Variants in BICC1 observed in about 807,000 individuals in gnomAD.
The protein encoded by BICC1 is BicC family RNA binding protein 1.
In BICC1, 43 loss-of-function variants were observed where a neutral mutation model predicts 111.0. The ratio of observed to expected loss-of-function variants is 0.39; its 90% CI spans 0.30 to 0.50. The LOEUF is 0.50. Ranked by LOEUF, BICC1 falls within the 20% of genes least tolerant of loss-of-function variation. BICC1 has a pLI of 0.88. For missense variants in BICC1, 1,091 were observed against 1,203.2 expected (o/e 0.91, Z 1.38); for synonymous variants, 467 against 434.4 (o/e 1.07, Z -0.93).
chr10:58,543,155 T>G (rs531660717), intron 1 of BICC1, among the ~76,000 whole-genome samples: 4 of 152,028 alleles, frequency 2.6e-5, no homozygotes, highest in Admixed American at 2.0e-4. Flanking sequence ...AAAAATGTGA[T>G]ATAGACATAC....
chr10:58,704,699 A>T (rs1470371323), intron 3 of BICC1, among the ~76,000 whole-genome samples: 1 of 152,118 alleles, frequency 6.6e-6, no homozygotes, highest in East Asian at 1.9e-4. Context: ...GTATTTAGGG[A>T]CTCATGCCGT....
chr10:58,566,334 A>G (rs1843762897), intron 1 of BICC1, among the ~76,000 whole-genome samples: 1 of 152,154 alleles, frequency 6.6e-6, no homozygotes, highest in Non-Finnish European at 1.5e-5. Flanking sequence ...ATTCAATTAT[A>G]TATATACATA....
intron 2 of BICC1, among the ~76,000 whole-genome samples, chr10:58,685,334 G>A (rs1366622808): frequency 6.6e-6 from 1 of 152,204 alleles, no homozygotes; most frequent in Non-Finnish European, 1.5e-5. Flanking sequence ...TGAGAAGAAT[G>A]TATATTCTGT....
intron 8 of BICC1, among the ~76,000 whole-genome samples, chr10:58,793,177 T>G (rs1316035598): frequency 1.3e-5 from 2 of 152,176 alleles, no homozygotes; most frequent in African/African-American, 4.8e-5. Context: ...GTTTCTAGCA[T>G]AACTTAACAA....
chr10:58,720,550 A>T (rs9787517), intron 3 of BICC1, among the ~76,000 whole-genome samples: 45,300 of 141,580 alleles, frequency 0.32, 7,705 homozygotes, highest in African/African-American at 0.5. Flanking sequence ...GTGGATCTCA[A>T]AGGGCTGGGG....
chr10:58,683,169 C>G (rs999868151), intron 2 of BICC1, among the ~76,000 whole-genome samples: 171 of 152,194 alleles, frequency 1.1e-3, no homozygotes, highest in Non-Finnish European at 1.9e-3. Context: ...TATTTGTCAG[C>G]TTTGTCAAAG....
intron 1 of BICC1, among the ~76,000 whole-genome samples, chr10:58,587,305 G>C (rs1230280242): frequency 6.6e-6 from 1 of 151,928 alleles, no homozygotes; most frequent in Non-Finnish European, 1.5e-5. Flanking sequence ...ATAGTTTCTT[G>C]TCCTATTAAG....
intron 3 of BICC1, among the ~76,000 whole-genome samples, chr10:58,746,582 A>T (rs1391947246): frequency 6.6e-6 from 1 of 152,168 alleles, no homozygotes. Flanking sequence ...AGAAACACTA[A>T]GGCTGCTCAT....
chr10:58,649,391 A>G (rs1329267206), intron 2 of BICC1, among the ~76,000 whole-genome samples: 8 of 152,194 alleles, frequency 5.3e-5, no homozygotes, highest in African/African-American at 9.7e-5. Context: ...TCTCTCTCTG[A>G]TAACCCACCC....
chr10:58,541,711 A>G (rs757359551), intron 1 of BICC1, among the ~76,000 whole-genome samples: 4 of 152,110 alleles, frequency 2.6e-5, no homozygotes, highest in African/African-American at 9.7e-5. Flanking sequence ...AAAATTCTAA[A>G]ATTCATATGG....
intron 1 of BICC1, among the ~76,000 whole-genome samples, chr10:58,541,212 G>T (rs975407368): frequency 4.6e-5 from 7 of 151,696 alleles, no homozygotes; most frequent in African/African-American, 1.7e-4. Context: ...AGACCAAGCA[G>T]GCAAGAAAAA....
At chr10:58,796,086 A>G (rs541902698) in intron 9 of BICC1, among the ~76,000 whole-genome samples, 5 of 152,324 alleles carry the variant, frequency 3.3e-5, no homozygotes, top group Non-Finnish European at 5.9e-5. Context: ...ATAGGAACAT[A>G]TATGCAGCTA....
intron 2 of BICC1, among the ~76,000 whole-genome samples, 161 bp from the exon 3 acceptor site, chr10:58,701,913 C>T (rs995740976): frequency 2.6e-5 from 4 of 151,772 alleles, no homozygotes; most frequent in Non-Finnish European, 4.4e-5. Context: ...CATCTCTTTT[C>T]CCCCCAGGGT....
chr10:58,678,538 C>G (rs1839417737), intron 2 of BICC1, among the ~76,000 whole-genome samples: 1 of 152,256 alleles, frequency 6.6e-6, no homozygotes, highest in South Asian at 2.1e-4. Flanking sequence ...ATTCATAAAG[C>G]AAGTTCTTCA....
chr10:58,827,335 C>T (rs1311556017), intron 20 of BICC1, among the ~76,000 whole-genome samples: 1 of 152,104 alleles, frequency 6.6e-6, no homozygotes, highest in African/African-American at 2.4e-5. Context: ...AGGCCTGAAA[C>T]AATGAATTCC....
rs57238789 is a variant in BICC1, at chr10:58,572,070, C to G, written c.191-48785C>G. Among the ~76,000 whole-genome samples the G allele has an allele frequency of 2.3e-3, 357 of 152,198 alleles. 2 individuals are homozygous for G. Among genetic ancestry groups the G allele is most frequent in the African/African-American group, 8.1e-3 (336 of 41,542 alleles). On this transcript the variant is annotated intron_variant, in intron 1 of 20. Transcript: ENST00000373886. ...GATATCTCATCGTAGTTTTGATTTG[C>G]ATTTCTCTAATGATCAGTGATGTTG...
intron 1 of BICC1, among the ~76,000 whole-genome samples, chr10:58,527,635 A>G (rs1842579791): frequency 6.6e-6 from 1 of 152,092 alleles, no homozygotes; most frequent in African/African-American, 2.4e-5. Flanking sequence ...TCAGCTTTCT[A>G]CATACGGCTA....
chr10:58,764,135 G>A (rs945824608), intron 3 of BICC1, among the ~76,000 whole-genome samples: 14 of 152,166 alleles, frequency 9.2e-5, no homozygotes, highest in Admixed American at 6.5e-5. Flanking sequence ...AGGAAACTGA[G>A]TTCACTTCAG....
At chr10:58,583,478 C>T (rs1203084064) in intron 1 of BICC1, among the ~76,000 whole-genome samples, 1 of 151,028 alleles carries the variant, frequency 6.6e-6, no homozygotes. Context: ...TTGTTTTTTT[C>T]CATTCTTGAG....
Sources: gnomAD v4.1 joint callset for allele counts (sites outside exome capture counted in the v4.1 genomes callset) on GRCh38, gnomAD v4.1.1 for gene constraint, MANE v1.5 for transcripts, NCBI Gene and HGNC (gene_info 2026-07-23, HGNC 2026-07-21) for gene names.